The following GNAI1 variants were observed in gnomAD, a reference collection of about 807,000 sequenced individuals.
GNAI1 encodes the protein G protein subunit alpha i1.
A neutral mutation model predicts 38.9 loss-of-function variants in GNAI1; 11 were observed. The ratio of observed to expected loss-of-function variants is 0.28; its 90% CI spans 0.18 to 0.47. GNAI1 has a LOEUF of 0.47. Ranked by LOEUF, GNAI1 falls within the 20% of genes least tolerant of loss-of-function variation. The pLI is 0.99. For synonymous variants in GNAI1, 166 were observed against 145.1 expected (o/e 1.14, Z -1.04); for missense variants, 317 against 436.9 (o/e 0.73, Z 2.45).
In GNAI1 at chr7:80,218,085, ATG is replaced by A. The variant is rs1363713468; in HGVS notation, c.*596_*597del. ...TAACATGATTTGTTCTTTAAATTTT[ATG>A]TGTTTTATTGAAATGTTCTTAAGAT... On this transcript the variant is annotated 3_prime_UTR_variant, in exon 8 of 8. Transcript: ENST00000649796. 1 of 152,496 alleles carries A rather than the reference ATG, an allele frequency of 6.6e-6. No homozygotes were observed. Among genetic ancestry groups the A allele is most frequent in the Non-Finnish European group, 1.5e-5 (1 of 67,996 alleles). 9.4% of individuals were successfully genotyped at this position (152,496 alleles called of 1,614,324 possible).
chr7:80,217,579 C>A lies in GNAI1; in HGVS notation c.*86C>A. 2 of 712,578 alleles carry A rather than the reference C, an allele frequency of 2.8e-6. No homozygotes were observed. The highest frequency in any genetic ancestry group is 2.9e-5 in the East Asian group (1 of 34,892). 44.1% of individuals were successfully genotyped at this position (712,578 alleles called of 1,614,324 possible). On this transcript the variant is annotated 3_prime_UTR_variant, in exon 8 of 8. Coordinates refer to ENST00000649796, the MANE Select transcript of GNAI1 (RefSeq NM_002069.6). ...TGTAGACTAGAGTCTTGCAGCAACA[C>A]AGAATGTAATATAAGGCAAATGCAT... is the stretch of plus-strand genomic sequence containing the variant.
chr7:80,178,826 T>C (rs1788240376), intron 1 of GNAI1, among the ~76,000 whole-genome samples: 1 of 152,094 alleles, frequency 6.6e-6, no homozygotes, highest in Non-Finnish European at 1.5e-5. Context: ...ATAAGAAAAC[T>C]TCATAGAAAT....
chr7:80,197,437 A>G (rs778610897), intron 3 of GNAI1, among the ~76,000 whole-genome samples: 4 of 151,908 alleles, frequency 2.6e-5, no homozygotes, highest in Non-Finnish European at 2.9e-5. Flanking sequence ...TTTTTTTGTC[A>G]AAAAACGCTA....
chr7:80,188,934 A>T lies in GNAI1; in HGVS notation c.119-17A>T, dbSNP rs1456417377. The T allele has an allele frequency of 1.3e-6, 2 of 1,570,142 alleles. No individual in the cohort carries two copies. Among genetic ancestry groups the T allele is most frequent in the African/African-American group, 2.7e-5 (2 of 73,986 alleles). ...ATTATGATGAAATTAGAAACCTTTT[A>T]TGTTTTATATTTTTAGGTGCTGGTG... On this transcript the variant is annotated splice_polypyrimidine_tract_variant and intron_variant, in intron 1 of 7. Transcript: ENST00000649796.
At chr7:80,198,673 C>G (rs754476144) in intron 3 of GNAI1, among the ~76,000 whole-genome samples, 1 of 152,106 alleles carries the variant, frequency 6.6e-6, no homozygotes, top group Non-Finnish European at 1.5e-5. Flanking sequence ...TACTTAAAAT[C>G]TCCTGAAAAT....
At chr7:80,171,962 A>G (rs1281889513) in intron 1 of GNAI1, among the ~76,000 whole-genome samples, 1 of 152,236 alleles carries the variant, frequency 6.6e-6, no homozygotes, top group African/African-American at 2.4e-5. Context: ...TTGAAAGAAT[A>G]GTGGTCCAGT....
intron 1 of GNAI1, among the ~76,000 whole-genome samples, chr7:80,186,770 C>T (rs1300170417): frequency 6.6e-6 from 1 of 152,142 alleles, no homozygotes; most frequent in African/African-American, 2.4e-5. Flanking sequence ...CAACCACTGC[C>T]TCAACTCACA....
chr7:80,194,998 GAT>G (rs1233079458), intron 3 of GNAI1, among the ~76,000 whole-genome samples: 1 of 151,944 alleles, frequency 6.6e-6, no homozygotes, highest in East Asian at 1.9e-4. Context: ...GAAAAATATT[GAT>G]ATATATGTGG....
rs576411356 is a variant in GNAI1, at chr7:80,142,094, G to C, written c.118+6816G>C. Among the ~76,000 whole-genome samples, 5 of 152,088 alleles carry C rather than the reference G, an allele frequency of 3.3e-5. No homozygotes were observed. In the South Asian group the frequency reaches 8.3e-4, roughly 25 times the overall value. On this transcript the variant is annotated intron_variant, in intron 1 of 7. Transcript: ENST00000649796. ...CCACACTGGGAGAGACATTAACATC[G>C]TATTTCTATTAACAGTATGTCAAGA...
At chr7:80,198,743 T>G (rs1788626777) in intron 3 of GNAI1, among the ~76,000 whole-genome samples, 1 of 152,190 alleles carries the variant, frequency 6.6e-6, no homozygotes. Flanking sequence ...GATTTCTCCC[T>G]TCTCTGAACT....
At position 80,217,340 on chromosome 7, in the gene GNAI1, A is replaced by G. The variant is rs757873168; in HGVS notation, c.912A>G (p.Gln304=). The change falls in exon 8 of 8, where the codon CAA becomes CAG. Residue 304 remains glutamine (Q), a synonymous_variant. Coordinates refer to ENST00000649796, the MANE Select transcript of GNAI1 (RefSeq NM_002069.6). ...NTYEEAAAYI[Q]CQFEDLNKRK... is the part of the protein sequence containing the mutation. ...ATGAAGAGGCAGCTGCATATATTCA[A>G]TGTCAGTTTGAAGACCTCAATAAAA... The G allele has an allele frequency of 1.7e-5, 28 of 1,601,018 alleles. No individual in the cohort carries two copies. In the South Asian group the frequency reaches 2.0e-4, roughly 12 times the overall value.
intron 1 of GNAI1, among the ~76,000 whole-genome samples, chr7:80,144,601 T>G (rs1787585480): frequency 6.6e-6 from 1 of 152,170 alleles, no homozygotes; most frequent in African/African-American, 2.4e-5. Context: ...CCAGAATTTT[T>G]TCTAGTAACT....
At chr7:80,144,557 T>A (rs1787584367) in intron 1 of GNAI1, among the ~76,000 whole-genome samples, 1 of 152,182 alleles carries the variant, frequency 6.6e-6, no homozygotes, top group Admixed American at 6.5e-5. Context: ...TGTATGAAAC[T>A]CCTCCTGTTA....
intron 1 of GNAI1, among the ~76,000 whole-genome samples, chr7:80,140,273 C>T (rs945877266): frequency 1.4e-4 from 21 of 151,742 alleles, no homozygotes; most frequent in African/African-American, 4.4e-4. Context: ...GGTGAGCCAC[C>T]GCACCCTTTG....
At chr7:80,163,387 AC>A (rs1285231334) in intron 1 of GNAI1, among the ~76,000 whole-genome samples, 4 of 152,132 alleles carry the variant, frequency 2.6e-5, no homozygotes, top group African/African-American at 9.7e-5. Context: ...CTTGATCTCT[AC>A]ATGTCCTCTT....
At chr7:80,191,414 G>A (rs1788478241) in intron 3 of GNAI1, among the ~76,000 whole-genome samples, 2 of 152,052 alleles carry the variant, frequency 1.3e-5, no homozygotes, top group South Asian at 4.1e-4. Flanking sequence ...ATTATTTTGA[G>A]ACAGTCTCGC....
Position 80,210,503 on chromosome 7 carries a change from AAACGACATGT to A in GNAI1, c.591-465_591-456del, listed in dbSNP as rs528092950. ...AGCCTTGCTTATTATTTCTGAGTTA[AAACGACATGT>A]TTTAGTAGGAGGAGGGGTCTCTGTT... On this transcript the variant is annotated intron_variant, in intron 5 of 7. Coordinates refer to ENST00000649796, the MANE Select transcript of GNAI1 (RefSeq NM_002069.6). 2.6e-3 allele frequency among the ~76,000 whole-genome samples: 402 copies of A among 152,258 alleles called. 7 individuals are homozygous for A. Among genetic ancestry groups the A allele is most frequent in the African/African-American group, 9.3e-3 (387 of 41,558 alleles).
At chr7:80,141,770 C>T (rs1258294550) in intron 1 of GNAI1, among the ~76,000 whole-genome samples, 1 of 152,128 alleles carries the variant, frequency 6.6e-6, no homozygotes. Context: ...AACAAAGAAC[C>T]GGCCACATCT....
At chr7:80,140,342 A>G (rs1787505275) in intron 1 of GNAI1, among the ~76,000 whole-genome samples, 1 of 152,196 alleles carries the variant, frequency 6.6e-6, no homozygotes, top group South Asian at 2.1e-4. Flanking sequence ...GTGATAGGAA[A>G]CATGCCTATC....
Sources: allele counts gnomAD v4.1 joint callset (sites outside exome capture counted in the v4.1 genomes callset), GRCh38; gene constraint gnomAD v4.1.1; transcripts MANE v1.5; gene names NCBI Gene and HGNC (gene_info 2026-07-23, HGNC 2026-07-21).